GSE1: variants seen among roughly 807,000 people sequenced by gnomAD.
GSE1 encodes the protein genetic suppressor element 1.
GSE1 carries 32 observed loss-of-function variants against 112.6 expected under a neutral mutation model. The ratio of observed to expected loss-of-function variants is 0.28; its 90% CI spans 0.21 to 0.38. The LOEUF (loss-of-function observed/expected upper bound fraction) is 0.38, where lower values mean the gene tolerates loss of function less well. Among genes scored for constraint, GSE1 ranks in the 10% least tolerant of loss-of-function variants. The pLI is 1.00. For missense variants in GSE1, 2,348 were observed against 1,699.2 expected (o/e 1.38, Z -6.71); for synonymous variants, 1,115 against 735.6 (o/e 1.52, Z -8.35).
intron 2 of GSE1, among the ~76,000 whole-genome samples, chr16:85,469,699 A>T (rs575508173): frequency 6.6e-4 from 100 of 152,298 alleles, no homozygotes; most frequent in African/African-American, 2.3e-3. Flanking sequence ...GAGGCTGGAA[A>T]GTCACTTTCC....
At chr16:85,292,252 C>T (rs2045241351) in intron 1 of GSE1, among the ~76,000 whole-genome samples, 2 of 151,698 alleles carry the variant, frequency 1.3e-5, no homozygotes, top group Admixed American at 6.6e-5. Flanking sequence ...AATTCTCATA[C>T]CTCAGCCTCT....
At chr16:85,546,377 G>A (rs979472128) in intron 2 of GSE1, among the ~76,000 whole-genome samples, 3 of 152,146 alleles carry the variant, frequency 2.0e-5, no homozygotes, top group East Asian at 1.9e-4. Flanking sequence ...GAGCCACCCC[G>A]CCCGGCCTGT....
chr16:85,432,636 C>T (rs1344929379), intron 2 of GSE1, among the ~76,000 whole-genome samples: 1 of 152,228 alleles, frequency 6.6e-6, no homozygotes, highest in African/African-American at 2.4e-5. Flanking sequence ...CCACGGTTCT[C>T]AGCATCTCTC....
At chr16:85,175,257 T>G (rs1174056565) in intron 1 of GSE1, among the ~76,000 whole-genome samples, 1 of 152,136 alleles carries the variant, frequency 6.6e-6, no homozygotes, top group African/African-American at 2.4e-5. Context: ...GGCACCTGAC[T>G]CGTGCCTCCT....
At chr16:85,460,250 C>T (rs1020811611) in intron 2 of GSE1, among the ~76,000 whole-genome samples, 9 of 152,164 alleles carry the variant, frequency 5.9e-5, no homozygotes, top group African/African-American at 1.4e-4. Flanking sequence ...CCTTCTCAGC[C>T]GTAGCTGCAT....
rs544355375 is a variant in GSE1 at position 85,629,493 on chromosome 16, C to T, written c.8-4421C>T. Among the ~76,000 whole-genome samples the T allele has an allele frequency of 3.9e-5, 6 of 152,362 alleles. No individual in the cohort carries two copies. The East Asian group carries it at 5.8e-4, about 15-fold the overall frequency. ...CAGCCACCCAGCCTGCACCGGAGATCGGCCCCTCCTGCGGCCCTGGAGCAG... is the reference window on the plus strand; with the variant it reads ...CAGCCACCCAGCCTGCACCGGAGATTGGCCCCTCCTGCGGCCCTGGAGCAG... On this transcript the variant is annotated intron_variant, in intron 1 of 15. Coordinates refer to ENST00000253458, the MANE Select transcript of GSE1 (RefSeq NM_014615.5).
rs150594581 is a variant in GSE1 at position 85,227,139 on chromosome 16, A to G, written c.2283+55332A>G. Among the ~76,000 whole-genome samples the G allele has an allele frequency of 8.4e-3, 1,276 of 151,938 alleles. 11 individuals are homozygous for G. The highest frequency in any genetic ancestry group is 0.037 in the Middle Eastern group (11 of 294). On this transcript the variant is annotated intron_variant, in intron 1 of 2. Coordinates refer to the GSE1 transcript ENST00000637419. ...CATCCATCCATCCATCCGCCCACCC[A>G]TCTGTTCATTGGTCCGTCTATCCAT...
chr16:85,486,176 C>G (rs572937713), intron 2 of GSE1, among the ~76,000 whole-genome samples: 7 of 152,332 alleles, frequency 4.6e-5, no homozygotes, highest in African/African-American at 1.2e-4. Flanking sequence ...TACTCCCTTC[C>G]TCCCTGCCTG....
intron 3 of GSE1, among the ~76,000 whole-genome samples, chr16:85,649,631 C>G (rs2051168889): frequency 7.0e-6 from 1 of 142,952 alleles, no homozygotes; most frequent in African/African-American, 2.5e-5. Context: ...CTGCAGCTCT[C>G]CCGGCCCCCC....
chr16:85,620,575 C>T (rs755740182), intron 1 of GSE1, among the ~76,000 whole-genome samples: 2 of 152,260 alleles, frequency 1.3e-5, no homozygotes, highest in East Asian at 1.9e-4. Context: ...TGCCGATCCA[C>T]GCGGTCGTCT....
chr16:85,567,754 G>A (rs550063767), intron 1 of GSE1, among the ~76,000 whole-genome samples: 6 of 152,292 alleles, frequency 3.9e-5, no homozygotes, highest in South Asian at 2.1e-4. Flanking sequence ...ACAGGGTCTC[G>A]CTCTGTTGCT....
chr16:85,377,841 G>T (rs1018895182), intron 2 of GSE1, among the ~76,000 whole-genome samples: 1 of 152,228 alleles, frequency 6.6e-6, no homozygotes, highest in Non-Finnish European at 1.5e-5. Context: ...TGCAGGAGCT[G>T]GGGGGAGGGC....
intron 1 of GSE1, among the ~76,000 whole-genome samples, chr16:85,316,241 A>G (rs1188611904): frequency 6.6e-6 from 1 of 152,242 alleles, no homozygotes; most frequent in African/African-American, 2.4e-5. Context: ...ATTTATTTTA[A>G]TATATTCTCT....
intron 1 of GSE1, among the ~76,000 whole-genome samples, chr16:85,280,536 C>T (rs1225985507): frequency 1.3e-5 from 2 of 152,194 alleles, no homozygotes; most frequent in East Asian, 1.9e-4. Context: ...GCTGGGACTA[C>T]AGGCGCCCGC....
intron 3 of GSE1, among the ~76,000 whole-genome samples, chr16:85,651,262 TG>T (rs1329493429): frequency 7.2e-5 from 11 of 151,758 alleles, no homozygotes; most frequent in Admixed American, 1.3e-4. Flanking sequence ...CTTGCCTGGA[TG>T]GGGGGCAGCC....
chr16:85,278,758 A>T (rs1389668168), intron 1 of GSE1: 1 of 154,982 alleles, frequency 6.5e-6, no homozygotes, highest in Non-Finnish European at 1.4e-5. Flanking sequence ...TAGTTCAGGA[A>T]CATAGGTCAG....
intron 2 of GSE1, among the ~76,000 whole-genome samples, chr16:85,484,771 T>C (rs1430716691): frequency 6.6e-6 from 1 of 152,206 alleles, no homozygotes; most frequent in Non-Finnish European, 1.5e-5. Flanking sequence ...CCACCTCTGC[T>C]CCATGCGCCG....
At chr16:85,537,206 G>A (rs2044360532) in intron 2 of GSE1, among the ~76,000 whole-genome samples, 1 of 152,244 alleles carries the variant, frequency 6.6e-6, no homozygotes, top group Admixed American at 6.5e-5. Flanking sequence ...CAGGTTAGCT[G>A]TGGATGGTGG....
chr16:85,501,408 TA>T (rs2051362483), intron 2 of GSE1, among the ~76,000 whole-genome samples: 6 of 147,470 alleles, frequency 4.1e-5, no homozygotes, highest in East Asian at 2.0e-4. Flanking sequence ...TTTTTTTTTT[TA>T]GGGGATGGAG....
Sources: allele counts gnomAD v4.1 joint callset (sites outside exome capture counted in the v4.1 genomes callset), GRCh38; gene constraint gnomAD v4.1.1; transcripts MANE v1.5; gene names NCBI Gene and HGNC (gene_info 2026-07-23, HGNC 2026-07-21).